Variants in FMN1 observed in about 807,000 individuals in gnomAD.
The protein encoded by FMN1 is formin-1.
Under a neutral mutation model 132.4 loss-of-function variants are expected in FMN1, and 110 were observed. That is an observed-to-expected ratio of 0.83 (90% CI 0.71 to 0.97). FMN1 has a LOEUF of 0.97. FMN1 is among the 50% of genes least tolerant of loss of function. The pLI is 0.00. For synonymous variants in FMN1, 722 were observed against 651.7 expected (o/e 1.11, Z -1.64); for missense variants, 1,792 against 1,705.3 (o/e 1.05, Z -0.90).
intron 10 of FMN1, among the ~76,000 whole-genome samples, chr15:32,919,007 T>A (rs1004756572): frequency 3.9e-5 from 6 of 152,160 alleles, no homozygotes; most frequent in Non-Finnish European, 8.8e-5. Flanking sequence ...TTTTAAAAAA[T>A]TTAGCTCTAC....
At chr15:32,889,045 G>A (rs1244932763) in intron 15 of FMN1, among the ~76,000 whole-genome samples, 1 of 151,974 alleles carries the variant, frequency 6.6e-6, no homozygotes, top group Non-Finnish European at 1.5e-5. Context: ...GTAGAGACGG[G>A]GGTCTCACCA....
At chr15:32,809,434 G>GACAA (rs767140750) in intron 17 of FMN1, among the ~76,000 whole-genome samples, 2 of 152,094 alleles carry the variant, frequency 1.3e-5, no homozygotes, top group African/African-American at 2.4e-5. Context: ...CCCCTCTGAA[G>GACAA]ACAAAGTGCA....
chr15:32,946,853 C>A (rs1398802162), intron 9 of FMN1, among the ~76,000 whole-genome samples: 1 of 152,156 alleles, frequency 6.6e-6, no homozygotes, highest in Non-Finnish European at 1.5e-5. Flanking sequence ...TATGGAGCAA[C>A]TAGGTGCATG....
At chr15:33,075,057 T>G (rs942828146) in intron 5 of FMN1, among the ~76,000 whole-genome samples, 1 of 133,906 alleles carries the variant, frequency 7.5e-6, no homozygotes, top group Admixed American at 8.1e-5. Context: ...AGAACAGACC[T>G]TGAGTCCTGG....
intron 6 of FMN1, among the ~76,000 whole-genome samples, chr15:33,059,095 A>G (rs1489563607): frequency 1.3e-5 from 2 of 152,084 alleles, no homozygotes; most frequent in Non-Finnish European, 2.9e-5. Flanking sequence ...CTCTACTTCC[A>G]TGAGTTCAAC....
At chr15:33,051,824 AC>A (rs1177131515) in intron 6 of FMN1, among the ~76,000 whole-genome samples, 1 of 152,190 alleles carries the variant, frequency 6.6e-6, no homozygotes, top group Non-Finnish European at 1.5e-5. Flanking sequence ...GGGGAGAAGG[AC>A]GCAAGACCCC....
intron 16 of FMN1, among the ~76,000 whole-genome samples, chr15:32,864,114 CT>C (rs942023331): frequency 2.6e-5 from 4 of 152,132 alleles, no homozygotes; most frequent in African/African-American, 9.7e-5. Flanking sequence ...ACTGTACACA[CT>C]TTTTTATAAG....
intron 9 of FMN1, among the ~76,000 whole-genome samples, chr15:32,952,141 C>G (rs1056055891): frequency 9.2e-5 from 14 of 152,156 alleles, no homozygotes; most frequent in African/African-American, 3.4e-4. Context: ...TTTTATAGGG[C>G]TAAGTTTTTC....
chr15:33,163,325 G>A lies in FMN1; in HGVS notation c.-131-8280C>T, dbSNP rs146607595. Among the ~76,000 whole-genome samples the A allele has an allele frequency of 9.3e-3, 1,369 of 146,926 alleles. 22 individuals carry two copies. The highest frequency in any genetic ancestry group is 0.032 in the African/African-American group (1,303 of 40,206). ...TTTTTTTTTTTTGAGACTGAGTTTC[G>A]CTCTCGTTGCCCAGGCTGGAGCGCA... On this transcript the variant is annotated intron_variant, in intron 3 of 20. Transcript: ENST00000616417.
intron 10 of FMN1, among the ~76,000 whole-genome samples, chr15:32,923,177 C>T (rs2060875879): frequency 2.6e-5 from 4 of 152,142 alleles, no homozygotes; most frequent in Admixed American, 2.6e-4. Context: ...CAGGGCTGGT[C>T]GGCTGTGAGA....
intron 7 of FMN1, among the ~76,000 whole-genome samples, chr15:32,992,847 A>G (rs896785577): frequency 6.6e-6 from 1 of 152,196 alleles, no homozygotes; most frequent in African/African-American, 2.4e-5. Flanking sequence ...ACGGAGTAAA[A>G]TATCAGTTTG....
chr15:33,075,771 C>G, intron 5 of FMN1, among the ~76,000 whole-genome samples: 1 of 152,150 alleles, frequency 6.6e-6, no homozygotes, highest in Admixed American at 6.5e-5. Flanking sequence ...GACATTTTCC[C>G]TTCTTTGGGG....
chr15:33,081,841 C>T (rs1414924037), intron 5 of FMN1, among the ~76,000 whole-genome samples: 1 of 152,126 alleles, frequency 6.6e-6, no homozygotes, highest in Non-Finnish European at 1.5e-5. Context: ...TTTAGACAGT[C>T]AAGCTTGGGA....
chr15:33,096,880 G>T (rs1217660475), intron 4 of FMN1, among the ~76,000 whole-genome samples: 3 of 152,172 alleles, frequency 2.0e-5, no homozygotes, highest in Non-Finnish European at 4.4e-5. Flanking sequence ...GGGATTACAG[G>T]CATGCACCAA....
At chr15:33,191,670 TA>T (rs1232690583) in intron 2 of FMN1, among the ~76,000 whole-genome samples, 5 of 152,232 alleles carry the variant, frequency 3.3e-5, no homozygotes, top group Admixed American at 2.0e-4. Context: ...GCTGACAAGG[TA>T]AAGAGGTTTG....
chr15:33,037,349 G>A (rs1166074364), intron 6 of FMN1, among the ~76,000 whole-genome samples: 1 of 152,124 alleles, frequency 6.6e-6, no homozygotes, highest in Non-Finnish European at 1.5e-5. Context: ...CTGAGTTTGG[G>A]TGAGGAGGGG....
intron 7 of FMN1, among the ~76,000 whole-genome samples, chr15:32,995,505 T>C (rs1198479194): frequency 1.2e-4 from 18 of 152,248 alleles, no homozygotes; most frequent in Admixed American, 1.1e-3. Context: ...GGAACCTATA[T>C]GAGGATTAAA....
intron 4 of FMN1, among the ~76,000 whole-genome samples, chr15:33,114,706 A>T (rs345760): frequency 6.6e-6 from 1 of 152,142 alleles, no homozygotes. Flanking sequence ...AATGTCTCCT[A>T]AACTATAAAC....
intron 3 of FMN1, among the ~76,000 whole-genome samples, chr15:33,174,146 A>G (rs1965429820): frequency 1.3e-5 from 2 of 152,148 alleles, no homozygotes; most frequent in Non-Finnish European, 2.9e-5. Flanking sequence ...ACAGAAAAGG[A>G]TATAAAAAAG....
Sources: allele counts gnomAD v4.1 joint callset (sites outside exome capture counted in the v4.1 genomes callset), GRCh38; gene constraint gnomAD v4.1.1; transcripts MANE v1.5; gene names NCBI Gene and HGNC (gene_info 2026-07-23, HGNC 2026-07-21).